UNC79: variants seen among roughly 807,000 people sequenced by gnomAD.
UNC79 encodes unc-79 subunit of NALCN channel complex.
In UNC79, 37 loss-of-function variants were observed where a neutral mutation model predicts 283.1. That is an observed-to-expected ratio of 0.13 (90% CI 0.10 to 0.17). The LOEUF (loss-of-function observed/expected upper bound fraction) is 0.17, where lower values mean the gene tolerates loss of function less well. Among genes scored for constraint, UNC79 ranks in the 10% least tolerant of loss-of-function variants. UNC79 has a pLI of 1.00. For synonymous variants in UNC79, 1,107 were observed against 1,200.2 expected (o/e 0.92, Z 1.61); for missense variants, 2,272 against 3,211.1 (o/e 0.71, Z 7.07).
intron 40 of UNC79, among the ~76,000 whole-genome samples, chr14:93,667,424 C>CATA (rs1343755011): frequency 6.6e-6 from 1 of 151,390 alleles, no homozygotes; most frequent in African/African-American, 2.4e-5. Context: ...AATCAACAAC[C>CATA]TTATGCCAGT....
chr14:93,364,702 G>T (rs545554909), intron 1 of UNC79, among the ~76,000 whole-genome samples: 1 of 151,178 alleles, frequency 6.6e-6, no homozygotes, highest in East Asian at 1.9e-4. Context: ...ACTTTATTGA[G>T]ATATAATTTA....
chr14:93,435,803 G>C (rs534751299), intron 1 of UNC79, among the ~76,000 whole-genome samples: 1 of 152,268 alleles, frequency 6.6e-6, no homozygotes, highest in Non-Finnish European at 1.5e-5. Context: ...CTTCAATGCA[G>C]TTACAATGAA....
At chr14:93,653,643 C>A (rs2070565681) in intron 35 of UNC79, 99 bp from the exon 39 acceptor site, 1 of 1,010,780 alleles carries the variant, frequency 9.9e-7, no homozygotes, top group Non-Finnish European at 1.5e-6. Flanking sequence ...GCTATCCCAT[C>A]AGAGGCATGG....
chr14:93,660,154 T>C (rs1333748071), intron 39 of UNC79, among the ~76,000 whole-genome samples: 1 of 152,206 alleles, frequency 6.6e-6, no homozygotes, highest in Non-Finnish European at 1.5e-5. Flanking sequence ...TACTATTTAA[T>C]ATACCAACAA....
intron 34 of UNC79, 61 bp downstream of exon 37, chr14:93,643,758 C>T (rs1241673821): frequency 1.5e-5 from 24 of 1,579,044 alleles, no homozygotes; most frequent in Non-Finnish European, 2.0e-5. Context: ...CTATCTTGAA[C>T]TAAAAACTAC....
intron 1 of UNC79, among the ~76,000 whole-genome samples, chr14:93,395,620 G>A (rs1160455579): frequency 1.3e-5 from 2 of 152,266 alleles, no homozygotes; most frequent in African/African-American, 4.8e-5. Context: ...ATTTGGGTGG[G>A]GACATGGAGC....
intron 30 of UNC79, among the ~76,000 whole-genome samples, chr14:93,625,649 T>C (rs2067515626): frequency 1.3e-5 from 2 of 151,634 alleles, no homozygotes; most frequent in South Asian, 4.2e-4. Context: ...GACAATTGTG[T>C]ATTGATCCAA....
At chr14:93,507,880 G>T in intron 7 of UNC79, among the ~76,000 whole-genome samples, 1 of 152,028 alleles carries the variant, frequency 6.6e-6, no homozygotes, top group South Asian at 2.1e-4. Flanking sequence ...GTGTATGATG[G>T]CTATGGCTTA....
At chr14:93,593,794 T>C in exon 23 of UNC79, 1 of 1,614,012 alleles carries the variant, frequency 6.2e-7, no homozygotes, top group East Asian at 2.2e-5. Flanking sequence ...CAATCATAAA[T>C]GGCAATTTCA....
At chr14:93,495,434 C>G (rs1018336899) in intron 5 of UNC79, among the ~76,000 whole-genome samples, 1 of 152,168 alleles carries the variant, frequency 6.6e-6, no homozygotes, top group African/African-American at 2.4e-5. Flanking sequence ...CAATCACTTC[C>G]CATTAGGTTT....
intron 7 of UNC79, among the ~76,000 whole-genome samples, chr14:93,500,738 G>T (rs967218935): frequency 6.6e-6 from 1 of 152,090 alleles, no homozygotes; most frequent in Non-Finnish European, 1.5e-5. Flanking sequence ...CAAATAATAA[G>T]GGCACAGATT....
At chr14:93,357,926 G>GAT (rs1398871700) in intron 1 of UNC79, among the ~76,000 whole-genome samples, 231 of 17,356 alleles carry the variant, frequency 0.013, 20 homozygotes, top group Admixed American at 0.041. Context: ...CATATATATA[G>GAT]ATATATATGG....
chr14:93,497,940 C>T (rs568298035), intron 7 of UNC79, among the ~76,000 whole-genome samples: 4 of 151,842 alleles, frequency 2.6e-5, no homozygotes, highest in Admixed American at 6.6e-5. Flanking sequence ...GGGCCAAGAT[C>T]GCACCACTGC....
intron 22 of UNC79, among the ~76,000 whole-genome samples, chr14:93,587,934 C>T (rs1023963238): frequency 2.6e-5 from 4 of 151,894 alleles, no homozygotes; most frequent in Non-Finnish European, 4.4e-5. Flanking sequence ...ATTGAGATAA[C>T]GATAGAATTT....
intron 17 of UNC79, among the ~76,000 whole-genome samples, chr14:93,575,763 G>C (rs2063443211): frequency 6.6e-6 from 1 of 152,194 alleles, no homozygotes. Context: ...AGGCCTGATA[G>C]AGTCTCTGCT....
In UNC79 at chr14:93,441,667, C is replaced by T. The variant is rs1271996606; in HGVS notation, c.22+10616C>T. Among the ~76,000 whole-genome samples the T allele has an allele frequency of 5.3e-5, 8 of 152,192 alleles. No homozygotes were observed. In the South Asian group the frequency reaches 1.4e-3, roughly 28 times the overall value. On this transcript the variant is annotated intron_variant, in intron 1 of 48. Coordinates refer to ENST00000555664, the Ensembl canonical transcript of UNC79. The stretch of plus-strand genomic sequence containing the variant: ...CCTCTTCTCTCTACCCTCCTTCTAA[C>T]CCAGTATCTGATATACAATAGTGTC...
At chr14:93,598,671 G>A (rs1040184253) in intron 24 of UNC79, among the ~76,000 whole-genome samples, 5 of 152,164 alleles carry the variant, frequency 3.3e-5, no homozygotes, top group Admixed American at 2.0e-4. Context: ...ACAGGCTTAC[G>A]CCGCCACGCC....
Position 93,689,115 on chromosome 14 carries a change from A to G in UNC79, c.7085+275A>G, listed in dbSNP as rs1376519061. 1.4e-5 allele frequency: 6 copies of G among 443,382 alleles called. 1 individual carries two copies. In the East Asian group the frequency reaches 2.1e-4, roughly 15 times the overall value. 27.5% of individuals were successfully genotyped at this position (443,382 alleles called of 1,614,324 possible). A position where few individuals can be genotyped will look rare whatever the true frequency, so the allele number is the denominator to read the frequency against. On this transcript the variant is annotated intron_variant, in intron 44 of 48. Coordinates refer to ENST00000555664, the Ensembl canonical transcript of UNC79. ...TTTTGAGCTTAGAATTACCACTTTA[A>G]TGCTTGATTTCAACTAGTTAAGTAA...
Position 93,698,491 on chromosome 14 carries a change from T to G in UNC79, c.7548+4079T>G, listed in dbSNP as rs1199878225. Among the ~76,000 whole-genome samples, 572 of 109,140 alleles carry G rather than the reference T, an allele frequency of 5.2e-3. 10 individuals are homozygous for G. The highest frequency in any genetic ancestry group is 0.021 in the African/African-American group (527 of 24,632). The allele number at this position is 109,140 out of a possible 152,430, so 71.6% of individuals were successfully genotyped here. On this transcript the variant is annotated intron_variant, in intron 47 of 48. Coordinates refer to ENST00000555664, the Ensembl canonical transcript of UNC79. ...TTTAGTTTAGGTTTTTTTTTTTTTT[T>G]TTTTTTTTTTTTGAGATCAGGTCTT...
Sources: allele counts gnomAD v4.1 joint callset (sites outside exome capture counted in the v4.1 genomes callset), GRCh38; gene constraint gnomAD v4.1.1; transcripts MANE v1.5; gene names NCBI Gene and HGNC (gene_info 2026-07-23, HGNC 2026-07-21).